SRGAP3: variants seen among roughly 807,000 people sequenced by gnomAD.
SRGAP3 encodes the protein SLIT-ROBO Rho GTPase-activating protein 3.
Under a neutral mutation model 121.1 loss-of-function variants are expected in SRGAP3, and 39 were observed. That is an observed-to-expected ratio of 0.32 (90% CI 0.25 to 0.42). The LOEUF is 0.42. SRGAP3 is among the 10% of genes least tolerant of loss of function. The pLI, the probability that SRGAP3 is intolerant of heterozygous loss-of-function variation, is 1.00. For synonymous variants in SRGAP3, 601 were observed against 570.0 expected (o/e 1.05, Z -0.77); for missense variants, 1,213 against 1,470.6 (o/e 0.82, Z 2.86).
At chr3:9,040,548 TTATTC>T (rs946002965) in intron 10 of SRGAP3, among the ~76,000 whole-genome samples, 5 of 151,856 alleles carry the variant, frequency 3.3e-5, no homozygotes, top group African/African-American at 1.2e-4. Context: ...TATTTTATTT[TTATTC>T]TATTCTATTC....
chr3:9,340,534 C>T (rs1197695831), intron 1 of SRGAP3, among the ~76,000 whole-genome samples: 3 of 152,132 alleles, frequency 2.0e-5, no homozygotes, highest in Non-Finnish European at 4.4e-5. Flanking sequence ...ACTCACATGC[C>T]CTCCTTTAAT....
intron 3 of SRGAP3, among the ~76,000 whole-genome samples, chr3:9,290,396 T>C (rs1346866181): frequency 2.0e-5 from 3 of 152,124 alleles, no homozygotes; most frequent in Admixed American, 6.5e-5. Context: ...TTTGGTTACA[T>C]AGGACAGGTG....
chr3:9,288,545 A>T, intron 3 of SRGAP3, among the ~76,000 whole-genome samples: 1 of 149,362 alleles, frequency 6.7e-6, no homozygotes. Flanking sequence ...ATAATTTTTC[A>T]TTTGTAGAAG....
At chr3:9,340,442 C>A (rs1457051407) in intron 1 of SRGAP3, among the ~76,000 whole-genome samples, 1 of 152,192 alleles carries the variant, frequency 6.6e-6, no homozygotes, top group Non-Finnish European at 1.5e-5. Context: ...AGCTGCCTCA[C>A]CCCTTCCAGA....
chr3:9,040,115 C>T (rs1429770380), intron 10 of SRGAP3, among the ~76,000 whole-genome samples: 2 of 152,224 alleles, frequency 1.3e-5, no homozygotes, highest in Non-Finnish European at 2.9e-5. Flanking sequence ...CCATGCCATG[C>T]TTGTCTCTTA....
At chr3:9,312,603 G>C (rs549130523) in intron 3 of SRGAP3, among the ~76,000 whole-genome samples, 31 of 152,358 alleles carry the variant, frequency 2.0e-4, no homozygotes, top group African/African-American at 7.2e-4. Context: ...GACACAATTA[G>C]AGTCTCTGCT....
intron 3 of SRGAP3, among the ~76,000 whole-genome samples, chr3:9,280,597 C>A (rs1954657906): frequency 1.3e-5 from 2 of 152,208 alleles, no homozygotes; most frequent in South Asian, 2.1e-4. Context: ...CATCAGGAGG[C>A]AGTAACGGTG....
intron 1 of SRGAP3, among the ~76,000 whole-genome samples, chr3:9,356,051 C>A (rs2030481448): frequency 6.6e-6 from 1 of 152,196 alleles, no homozygotes; most frequent in South Asian, 2.1e-4. Context: ...CACTTCTCAA[C>A]ACTGTTCCAA....
At chr3:9,050,241 G>T (rs1945503202) in intron 9 of SRGAP3, among the ~76,000 whole-genome samples, 2 of 152,138 alleles carry the variant, frequency 1.3e-5, no homozygotes, top group African/African-American at 4.8e-5. Context: ...CAGCAATAAT[G>T]TCCTCTCATT....
At chr3:9,319,611 CCTGA>C (rs1445200369) in intron 3 of SRGAP3, among the ~76,000 whole-genome samples, 1 of 151,866 alleles carries the variant, frequency 6.6e-6, no homozygotes, top group Non-Finnish European at 1.5e-5. Flanking sequence ...GTAATCATTT[CCTGA>C]CTATGAGAGA....
chr3:9,174,270 T>C (rs990865753), intron 1 of SRGAP3, among the ~76,000 whole-genome samples: 3 of 152,354 alleles, frequency 2.0e-5, no homozygotes, highest in African/African-American at 7.2e-5. Context: ...ATGGTGGTGA[T>C]GGCTGCACAG....
intron 1 of SRGAP3, among the ~76,000 whole-genome samples, chr3:9,227,556 C>T (rs1231334337): frequency 6.6e-6 from 1 of 152,256 alleles, no homozygotes; most frequent in African/African-American, 2.4e-5. Flanking sequence ...TGTTGGGATT[C>T]AGTCCTAGAT....
chr3:9,173,626 G>A (rs113247085), intron 1 of SRGAP3, among the ~76,000 whole-genome samples: 57 of 152,080 alleles, frequency 3.7e-4, no homozygotes, highest in African/African-American at 1.4e-3. Context: ...TCCCTCCAAC[G>A]GGCAACTCTG....
At chr3:9,173,466 C>T (rs1417200750) in intron 1 of SRGAP3, among the ~76,000 whole-genome samples, 1 of 152,200 alleles carries the variant, frequency 6.6e-6, no homozygotes, top group Non-Finnish European at 1.5e-5. Flanking sequence ...TCAAGCCGCT[C>T]ACTGGACAGT....
intron 9 of SRGAP3, among the ~76,000 whole-genome samples, chr3:9,052,776 G>GT (rs1945643985): frequency 6.6e-6 from 1 of 152,096 alleles, no homozygotes; most frequent in Non-Finnish European, 1.5e-5. Context: ...ACTGTCTCTG[G>GT]TTTTTTTCTA....
Position 9,354,255 on chromosome 3 carries a change from G to A in SRGAP3, n.214+8585C>T, listed in dbSNP as rs76658687. ...CAAACGTGTCTTTTAGAGCCATGAA[G>A]GTAATCACCATAGAAACGAAAAGCA... On this transcript the variant is annotated intron_variant and non_coding_transcript_variant, in intron 1 of 3. Transcript: ENST00000490889. Among the ~76,000 whole-genome samples, 393 of 152,272 alleles carry A rather than the reference G, an allele frequency of 2.6e-3. 1 individual carries two copies. The highest frequency in any genetic ancestry group is 8.7e-3 in the African/African-American group (363 of 41,558).
intron 1 of SRGAP3, among the ~76,000 whole-genome samples, chr3:9,350,736 T>C (rs1303501442): frequency 6.6e-6 from 1 of 152,208 alleles, no homozygotes; most frequent in Non-Finnish European, 1.5e-5. Flanking sequence ...GTAACTCTTC[T>C]TTCTTCCAGC....
intron 2 of SRGAP3, among the ~76,000 whole-genome samples, chr3:9,120,800 A>G (rs754504946): frequency 1.4e-4 from 22 of 152,236 alleles, no homozygotes; most frequent in Non-Finnish European, 2.9e-4. Flanking sequence ...TTTTCTCTAA[A>G]TGTTAACCTG....
At position 9,141,553 on chromosome 3, in the gene SRGAP3, G is replaced by GGGGTGTGT. The variant is rs955861514; in HGVS notation, c.68-16637_68-16636insACACACCC. On this transcript the variant is annotated intron_variant, in intron 1 of 21. Coordinates refer to ENST00000383836, the MANE Select transcript of SRGAP3 (RefSeq NM_014850.4). ...GAAACAAGAAGGATCTGACTTCAGG[G>GGGGTGTGT]GTGTGTGTGTGTGTGTGTGTGTGTG... 7.2e-5 allele frequency among the ~76,000 whole-genome samples: 10 copies of GGGGTGTGT among 138,462 alleles called. 1 individual carries two copies. Among genetic ancestry groups the GGGGTGTGT allele is most frequent in the African/African-American group, 2.7e-4 (10 of 36,470 alleles). 90.8% of individuals were successfully genotyped at this position (138,462 alleles called of 152,430 possible).
Sources: gnomAD v4.1 joint callset for allele counts (sites outside exome capture counted in the v4.1 genomes callset) on GRCh38, gnomAD v4.1.1 for gene constraint, MANE v1.5 for transcripts, NCBI Gene and HGNC (gene_info 2026-07-23, HGNC 2026-07-21) for gene names.